The following GLCCI1 variants were observed in gnomAD, a reference collection of about 807,000 sequenced individuals.
The protein encoded by GLCCI1 is glucocorticoid-induced transcript 1 protein.
GLCCI1 carries 24 observed loss-of-function variants against 52.2 expected under a neutral mutation model. The ratio of observed to expected loss-of-function variants is 0.46; its 90% CI spans 0.33 to 0.65. The LOEUF (loss-of-function observed/expected upper bound fraction) is 0.65. Ranked by LOEUF, GLCCI1 falls within the 30% of genes least tolerant of loss-of-function variation. The pLI, the probability that GLCCI1 is intolerant of heterozygous loss-of-function variation, is 0.02. For synonymous variants in GLCCI1, 310 were observed against 276.5 expected, an observed-to-expected ratio of 1.12 and a Z score of -1.20; for missense variants, 704 against 701.5, an observed-to-expected ratio of 1.00 and a Z score of -0.04.
chr7:7,975,737 T>A (rs1780453910), intron 1 of GLCCI1, among the ~76,000 whole-genome samples: 1 of 152,198 alleles, frequency 6.6e-6, no homozygotes, highest in African/African-American at 2.4e-5. Context: ...TTTTTCTCCA[T>A]TTCTTTCTTG....
chr7:8,003,058 A>C (rs1268777826), intron 1 of GLCCI1, among the ~76,000 whole-genome samples: 2 of 152,248 alleles, frequency 1.3e-5, no homozygotes, highest in Non-Finnish European at 2.9e-5. Flanking sequence ...AGTTATTTAT[A>C]CATGTTATTT....
At chr7:7,972,746 G>T (rs1347778349) in intron 1 of GLCCI1, among the ~76,000 whole-genome samples, 3 of 152,018 alleles carry the variant, frequency 2.0e-5, no homozygotes, top group Non-Finnish European at 2.9e-5. Flanking sequence ...AATAGGAATA[G>T]TCAATTTTAA....
At position 7,969,262 on chromosome 7, in the gene GLCCI1, G is replaced by A; in HGVS notation, c.-89G>A. The A allele has an allele frequency of 3.1e-6, 3 of 960,002 alleles. No homozygotes were observed. Among genetic ancestry groups the A allele is most frequent in the Non-Finnish European group, 3.9e-6 (3 of 775,668 alleles). The allele number at this position is 960,002 out of a possible 1,614,324, so 59.5% of individuals were successfully genotyped here. A position where few individuals can be genotyped will look rare whatever the true frequency, so the allele number is the denominator to read the frequency against. On this transcript the variant is annotated 5_prime_UTR_variant, in exon 1 of 8. Coordinates refer to ENST00000223145, the MANE Select transcript of GLCCI1 (RefSeq NM_138426.4). This position sits in a 1 kb window ranked among gnomAD's most constrained non-coding sequence, Gnocchi z 4.9. ...GCCCCTCCCCCTTACACACTCGCACGCACTATCGCGCCGGCTCCCACACGC... is the reference window on the plus strand; with the variant it reads ...GCCCCTCCCCCTTACACACTCGCACACACTATCGCGCCGGCTCCCACACGC...
intron 6 of GLCCI1, among the ~76,000 whole-genome samples, chr7:8,082,949 A>C (rs1783027991): frequency 1.3e-5 from 2 of 152,120 alleles, no homozygotes. Context: ...GGCCAAGATG[A>C]CTTTTCTTAC....
intron 1 of GLCCI1, among the ~76,000 whole-genome samples, chr7:8,000,608 A>G (rs1369646472): frequency 2.0e-5 from 3 of 152,344 alleles, no homozygotes; most frequent in African/African-American, 7.2e-5. Context: ...TTGTTTTATG[A>G]TACACATAAA....
At chr7:8,064,568 A>G (rs527840505) in intron 5 of GLCCI1, among the ~76,000 whole-genome samples, 17 of 152,196 alleles carry the variant, frequency 1.1e-4, no homozygotes, top group Admixed American at 4.6e-4. Flanking sequence ...GCCTAGGACT[A>G]CCTTGGCTGT....
chr7:7,979,924 C>G (rs1189615289), intron 1 of GLCCI1, among the ~76,000 whole-genome samples: 1 of 151,934 alleles, frequency 6.6e-6, no homozygotes, highest in Non-Finnish European at 1.5e-5. Flanking sequence ...TTTATTTTTT[C>G]TTTATCTTTC....
At chr7:7,979,749 T>C (rs1160645785) in intron 1 of GLCCI1, among the ~76,000 whole-genome samples, 3 of 152,222 alleles carry the variant, frequency 2.0e-5, no homozygotes, top group Admixed American at 6.5e-5. Flanking sequence ...GTAGTAATCT[T>C]GGGCAGTGAT....
chr7:8,064,575 C>A (rs1317524799), intron 5 of GLCCI1, among the ~76,000 whole-genome samples: 1 of 152,158 alleles, frequency 6.6e-6, no homozygotes, highest in Non-Finnish European at 1.5e-5. Context: ...ACTACCTTGG[C>A]TGTTCAAGCT....
In GLCCI1 at chr7:8,088,028, G is replaced by C. The variant is rs1012744610; in HGVS notation, c.*1490G>C. On this transcript the variant is annotated 3_prime_UTR_variant, in exon 8 of 8. Coordinates refer to ENST00000223145, the MANE Select transcript of GLCCI1 (RefSeq NM_138426.4). ...ACTACTTTCAGTTCAATAAAACCTAGAGTTGTTTCATCTGCGCCTAAAGTG... is the reference window on the plus strand; with the variant it reads ...ACTACTTTCAGTTCAATAAAACCTACAGTTGTTTCATCTGCGCCTAAAGTG... The C allele has an allele frequency of 6.6e-6, 1 of 152,110 alleles. No individual in the cohort carries two copies. The highest frequency in any genetic ancestry group is 1.5e-5 in the Non-Finnish European group (1 of 68,014). 9.4% of individuals were successfully genotyped at this position (152,110 alleles called of 1,614,324 possible).
At chr7:8,038,925 C>G (rs995601172) in intron 3 of GLCCI1, among the ~76,000 whole-genome samples, 1 of 151,902 alleles carries the variant, frequency 6.6e-6, no homozygotes, top group South Asian at 2.1e-4. Context: ...AAAAAAAATA[C>G]GTAACCCTGT....
At chr7:7,982,162 G>A in intron 1 of GLCCI1, 3 of 321,448 alleles carry the variant, frequency 9.3e-6, no homozygotes, top group East Asian at 8.7e-5. Flanking sequence ...GAAAGAGAAA[G>A]GAGTAAAAAG....
intron 4 of GLCCI1, among the ~76,000 whole-genome samples, chr7:8,059,306 T>C (rs528027204): frequency 6.6e-6 from 1 of 152,146 alleles, no homozygotes; most frequent in East Asian, 1.9e-4. Flanking sequence ...CACCATTGTA[T>C]GGGAAATATT....
At chr7:8,075,525 T>G (rs1782859222) in intron 6 of GLCCI1, among the ~76,000 whole-genome samples, 1 of 152,216 alleles carries the variant, frequency 6.6e-6, no homozygotes, top group Admixed American at 6.5e-5. Context: ...TAGCCATTTA[T>G]ATAATACAGA....
chr7:8,001,388 A>G (rs879348835), intron 1 of GLCCI1, among the ~76,000 whole-genome samples: 3 of 152,168 alleles, frequency 2.0e-5, no homozygotes, highest in African/African-American at 7.2e-5. Flanking sequence ...CTGGCTGCAA[A>G]TCAAAACCAC....
chr7:8,045,526 G>T (rs925885620), intron 3 of GLCCI1, among the ~76,000 whole-genome samples: 18 of 152,192 alleles, frequency 1.2e-4, no homozygotes, highest in African/African-American at 3.9e-4. Flanking sequence ...AATGGCAGGA[G>T]ATTGGAACTG....
In GLCCI1 at chr7:8,081,395, A is replaced by G. The variant is rs572141806; in HGVS notation, c.1178-3502A>G. Among the ~76,000 whole-genome samples the G allele has an allele frequency of 1.1e-4, 17 of 152,348 alleles. 2 individuals are homozygous for G. The South Asian group carries it at 3.5e-3, about 32-fold the overall frequency. On this transcript the variant is annotated intron_variant, in intron 6 of 7. Transcript: ENST00000223145. The stretch of plus-strand genomic sequence containing the variant: ...AATTTAATAAAGTAATGTGATAGAG[A>G]TAAAACCCATCTATAGACTTAGGGC...
intron 1 of GLCCI1, among the ~76,000 whole-genome samples, chr7:7,984,997 A>C (rs1780694238): frequency 6.6e-6 from 1 of 152,216 alleles, no homozygotes. Context: ...GTTCCCTAGG[A>C]AATTATTCCT....
At chr7:7,985,076 CAG>C (rs1313865898) in intron 1 of GLCCI1, among the ~76,000 whole-genome samples, 2 of 152,198 alleles carry the variant, frequency 1.3e-5, no homozygotes, top group Non-Finnish European at 2.9e-5. Context: ...TTGTCACTGT[CAG>C]GGGGACAGAG....
Sources: gnomAD v4.1 joint callset for allele counts (sites outside exome capture counted in the v4.1 genomes callset) on GRCh38, gnomAD v4.1.1 for gene constraint, Gnocchi (gnomAD v3.1) non-coding constraint, MANE v1.5 for transcripts, NCBI Gene and HGNC (gene_info 2026-07-23, HGNC 2026-07-21) for gene names.